OR3A2: variants seen among roughly 807,000 people sequenced by gnomAD.
OR3A2 encodes olfactory receptor 3A2.
For synonymous variants in OR3A2, 126 were observed against 159.3 expected, an observed-to-expected ratio of 0.79 and a Z score of 1.57; for missense variants, 318 against 392.8, an observed-to-expected ratio of 0.81 and a Z score of 1.61.
At chr17:3,376,128 C>T (rs946514876) in intron 2 of OR3A2, among the ~76,000 whole-genome samples, 3 of 152,216 alleles carry the variant, frequency 2.0e-5, no homozygotes, top group African/African-American at 7.2e-5. Context: ...CTCTGGTTGA[C>T]CAGGGTGTTG....
chr17:3,353,309 T>C (rs1290947361), intron 2 of OR3A2, among the ~76,000 whole-genome samples: 1 of 151,468 alleles, frequency 6.6e-6, no homozygotes, highest in Non-Finnish European at 1.5e-5. Context: ...TCAACAGGGG[T>C]AATCTGACTT....
At chr17:3,290,228 A>G (rs1422483156) in intron 3 of OR3A2, among the ~76,000 whole-genome samples, 1 of 152,148 alleles carries the variant, frequency 6.6e-6, no homozygotes, top group Non-Finnish European at 1.5e-5. Flanking sequence ...ATAGAATGGG[A>G]AGCCCACATC....
chr17:3,279,222 G>C (rs1040330412), intron 1 of OR3A2, 69 bp from the exon 4 acceptor site: 2 of 470,806 alleles, frequency 4.2e-6, no homozygotes, highest in African/African-American at 2.0e-5. Flanking sequence ...GTAGATTACA[G>C]CTGTCCTCGC....
At chr17:3,284,271 C>T (rs1039514647) in intron 1 of OR3A2, 87 bp downstream of exon 3, 4 of 151,714 alleles carry the variant, frequency 2.6e-5, no homozygotes, top group Non-Finnish European at 4.4e-5. Flanking sequence ...CAGGGGCATC[C>T]ATCGCACCAG....
exon 2 of OR3A2, chr17:3,278,421 A>T: frequency 6.2e-7 from 1 of 1,614,230 alleles, no homozygotes; most frequent in Non-Finnish European, 8.5e-7. Flanking sequence ...GAGCGTGGAC[A>T]TGGCCACAGT....
chr17:3,331,276 G>A lies in OR3A2; in HGVS notation c.-85+4757C>T, dbSNP rs866296584. Among the ~76,000 whole-genome samples, 217 of 152,038 alleles carry A rather than the reference G, an allele frequency of 1.4e-3. 1 individual carries two copies. In the Middle Eastern group the frequency reaches 0.024, roughly 17 times the overall value. Reference sequence around the variant, plus strand: ...AACGTTGGCCTGCCTTGCTAGATTGGGGAAGTTCTCCTGGATAACATCCTG... The same window carrying A: ...AACGTTGGCCTGCCTTGCTAGATTGAGGAAGTTCTCCTGGATAACATCCTG... On this transcript the variant is annotated intron_variant, in intron 3 of 4. Coordinates refer to the OR3A2 transcript ENST00000573491.
At chr17:3,278,131 T>C (rs1204404782) in exon 2 of OR3A2, 4 of 1,614,236 alleles carry the variant, frequency 2.5e-6, no homozygotes, top group African/African-American at 2.7e-5. Flanking sequence ...CCCAGTCTCA[T>C]GTAGTTGAAG....
intron 3 of OR3A2, among the ~76,000 whole-genome samples, chr17:3,324,063 GTTC>G (rs1567554784): frequency 6.6e-6 from 1 of 151,896 alleles, no homozygotes; most frequent in Non-Finnish European, 1.5e-5. Context: ...ATTTCTTTTT[GTTC>G]TTTTTTCTCT....
chr17:3,347,845 G>C (rs1247069909), intron 2 of OR3A2, among the ~76,000 whole-genome samples: 1 of 152,216 alleles, frequency 6.6e-6, no homozygotes, highest in Non-Finnish European at 1.5e-5. Flanking sequence ...GGTTGAACTA[G>C]ATTACAGTCC....
chr17:3,359,040 CTTT>C (rs1597357265), intron 2 of OR3A2, among the ~76,000 whole-genome samples: 1 of 151,716 alleles, frequency 6.6e-6, no homozygotes, highest in Non-Finnish European at 1.5e-5. Context: ...TAGTGTCCTT[CTTT>C]GTCTTTTTTG....
chr17:3,339,801 T>A (rs899811289), intron 2 of OR3A2, among the ~76,000 whole-genome samples: 4 of 152,244 alleles, frequency 2.6e-5, no homozygotes, highest in East Asian at 3.9e-4. Flanking sequence ...TGAGTTAGGG[T>A]GGATTCCCTC....
chr17:3,362,922 A>T (rs960372232), intron 2 of OR3A2, among the ~76,000 whole-genome samples: 5 of 151,856 alleles, frequency 3.3e-5, no homozygotes, highest in African/African-American at 1.2e-4. Flanking sequence ...CAATGGCCTG[A>T]GCTGTACCTT....
exon 2 of OR3A2, chr17:3,278,791 C>G (rs2048760101): frequency 3.3e-6 from 5 of 1,499,808 alleles, no homozygotes; most frequent in Non-Finnish European, 4.5e-6. Context: ...AGGTTGCCCC[C>G]AGTTGTGACC....
rs566759611 is a variant in OR3A2 at position 3,293,767 on chromosome 17, T to C, written c.-84-14614A>G. Among the ~76,000 whole-genome samples the C allele has an allele frequency of 2.0e-5, 3 of 152,302 alleles. No homozygotes were observed. The East Asian group carries it at 5.8e-4, about 29-fold the overall frequency. On this transcript the variant is annotated intron_variant, in intron 3 of 4. Coordinates refer to the OR3A2 transcript ENST00000573491. ...GTGGTACATATACACCACGGAATAC[T>C]ATGCAGCCATGAAAAAGAATGAGAT...
intron 3 of OR3A2, among the ~76,000 whole-genome samples, chr17:3,303,469 T>C (rs2048979493): frequency 6.6e-6 from 1 of 152,000 alleles, no homozygotes; most frequent in Admixed American, 6.6e-5. Context: ...AGGCCAGGCA[T>C]AGTGGCTCAT....
chr17:3,361,315 C>A (rs1420289019), intron 2 of OR3A2, among the ~76,000 whole-genome samples: 2 of 151,582 alleles, frequency 1.3e-5, no homozygotes, highest in Non-Finnish European at 2.9e-5. Flanking sequence ...AGATTTTGGG[C>A]TGACATGATG....
chr17:3,281,507 T>TACAG (rs2048776672), intron 1 of OR3A2, among the ~76,000 whole-genome samples: 1 of 152,156 alleles, frequency 6.6e-6, no homozygotes, highest in South Asian at 2.1e-4. Flanking sequence ...GTGCTGGGAT[T>TACAG]ACAGACGTGA....
chr17:3,287,195 T>G (rs2048820695), upstream of OR3A2, among the ~76,000 whole-genome samples: 1 of 152,186 alleles, frequency 6.6e-6, no homozygotes, highest in Non-Finnish European at 1.5e-5. Flanking sequence ...TCAAATAATG[T>G]ACACTGTACT....
chr17:3,291,274 C>T (rs559881258), intron 3 of OR3A2: 10 of 194,052 alleles, frequency 5.2e-5, no homozygotes, highest in South Asian at 1.7e-4. Flanking sequence ...TGACTTCTGG[C>T]GGGGAGTTTT....
Sources: allele counts gnomAD v4.1 joint callset (sites outside exome capture counted in the v4.1 genomes callset), GRCh38; gene constraint gnomAD v4.1.1; transcripts MANE v1.5; gene names NCBI Gene and HGNC (gene_info 2026-07-23, HGNC 2026-07-21).